Variants in THSD4 observed in about 807,000 individuals in gnomAD.
THSD4 encodes the protein thrombospondin type-1 domain-containing protein 4.
THSD4 carries 69 observed loss-of-function variants against 119.0 expected under a neutral mutation model. That is an observed-to-expected ratio of 0.58 (90% CI 0.48 to 0.71). THSD4 has a LOEUF of 0.71. Ranked by LOEUF, THSD4 falls within the 30% of genes least tolerant of loss-of-function variation. The probability of loss-of-function intolerance (pLI) is 0.00; values close to 1 mark genes in which losing one functional copy is unlikely to be tolerated. For synonymous variants in THSD4, 524 were observed against 540.4 expected, an observed-to-expected ratio of 0.97 and a Z score of 0.42; for missense variants, 1,393 against 1,391.1, an observed-to-expected ratio of 1.00 and a Z score of -0.02.
At chr15:71,331,595 G>A (rs932419367) in intron 6 of THSD4, among the ~76,000 whole-genome samples, 18 of 152,154 alleles carry the variant, frequency 1.2e-4, no homozygotes, top group Non-Finnish European at 1.8e-4. Flanking sequence ...AGCATGGTGG[G>A]CCGGGAGGAG....
At chr15:71,737,602 G>C (rs1367699280) in intron 10 of THSD4, 130 bp from the exon 11 acceptor site, 65 of 1,287,374 alleles carry the variant, frequency 5.0e-5, no homozygotes, top group Admixed American at 2.5e-4. Context: ...ATTTTAAACA[G>C]ATGTGCTTAT....
At chr15:71,325,135 T>C (rs2045322222) in intron 6 of THSD4, among the ~76,000 whole-genome samples, 1 of 152,206 alleles carries the variant, frequency 6.6e-6, no homozygotes, top group Admixed American at 6.5e-5. Flanking sequence ...CATAATTTGC[T>C]CTGAGTGTAT....
At chr15:71,546,976 C>T (rs1486888831) in intron 7 of THSD4, among the ~76,000 whole-genome samples, 4 of 152,214 alleles carry the variant, frequency 2.6e-5, no homozygotes, top group African/African-American at 9.6e-5. Context: ...CGTTCCCAGC[C>T]CGGAGCTCAT....
chr15:71,397,733 C>G (rs2046471649), intron 6 of THSD4, among the ~76,000 whole-genome samples: 1 of 152,212 alleles, frequency 6.6e-6, no homozygotes, highest in Non-Finnish European at 1.5e-5. Flanking sequence ...ATCCTGGTGG[C>G]TCTACCACTC....
At chr15:71,463,602 G>C (rs2047456534) in intron 7 of THSD4, among the ~76,000 whole-genome samples, 1 of 152,178 alleles carries the variant, frequency 6.6e-6, no homozygotes, top group Admixed American at 6.5e-5. Context: ...GCTGGGAACT[G>C]TTTTGTCCTC....
chr15:71,634,460 A>C (rs891451156), intron 7 of THSD4, among the ~76,000 whole-genome samples: 1 of 152,362 alleles, frequency 6.6e-6, no homozygotes, highest in South Asian at 2.1e-4. Flanking sequence ...TGCCATCTTT[A>C]GAATGAGTAT....
In THSD4 at chr15:71,656,383, T is replaced by C. The variant is rs2051193502; in HGVS notation, c.1153-4147T>C. Among the ~76,000 whole-genome samples, 4 of 152,132 alleles carry C rather than the reference T, an allele frequency of 2.6e-5. No homozygotes were observed. The South Asian group carries it at 8.3e-4, about 32-fold the overall frequency. On this transcript the variant is annotated intron_variant, in intron 7 of 17. Transcript: ENST00000261862. ...TCTTACACTATTTCAAAATAAAACATTATAACAATAAGAAAGTAATGCAAC... is the reference window on the plus strand; with the variant it reads ...TCTTACACTATTTCAAAATAAAACACTATAACAATAAGAAAGTAATGCAAC...
intron 6 of THSD4, among the ~76,000 whole-genome samples, chr15:71,400,990 G>T (rs539077652): frequency 6.6e-6 from 1 of 152,084 alleles, no homozygotes; most frequent in Non-Finnish European, 1.5e-5. Flanking sequence ...TCCTCTTTTC[G>T]TACCTGAGTT....
At position 71,342,376 on chromosome 15, in the gene THSD4, C is replaced by T. The variant is rs987183408; in HGVS notation, c.1016-69311C>T. 5.8e-5 allele frequency: 9 copies of T among 153,860 alleles called. No individual in the cohort carries two copies. The East Asian group carries it at 1.5e-3, about 26-fold the overall frequency. 9.5% of individuals were successfully genotyped at this position (153,860 alleles called of 1,614,324 possible). A position where few individuals can be genotyped will look rare whatever the true frequency, so the allele number is the denominator to read the frequency against. On this transcript the variant is annotated intron_variant, in intron 6 of 17. Coordinates refer to ENST00000261862, the MANE Select transcript of THSD4 (RefSeq NM_024817.3). The stretch of plus-strand genomic sequence containing the variant: ...TGGGCTTGCACTCTTGGTCCTCTGC[C>T]TGCAGGCACTTGGAGATCCTGAAGT...
At chr15:71,144,566 G>A (rs1363618689) in intron 2 of THSD4, among the ~76,000 whole-genome samples, 1 of 152,166 alleles carries the variant, frequency 6.6e-6, no homozygotes, top group Admixed American at 6.5e-5. Context: ...GAAAATCCCT[G>A]AAAGAACATT....
intron 8 of THSD4, among the ~76,000 whole-genome samples, chr15:71,674,460 ATC>A (rs2051597987): frequency 6.6e-6 from 1 of 152,120 alleles, no homozygotes; most frequent in African/African-American, 2.4e-5. Flanking sequence ...TAGTTCCCAT[ATC>A]TCCCTGGATC....
chr15:71,135,405 AAAAG>A (rs1214159726), intron 1 of THSD4, among the ~76,000 whole-genome samples: 8 of 151,198 alleles, frequency 5.3e-5, no homozygotes, highest in Admixed American at 4.6e-4. Flanking sequence ...AAAAAAAAAA[AAAAG>A]AAGAAGCTTC....
chr15:71,482,592 C>CT (rs886558496), intron 7 of THSD4, among the ~76,000 whole-genome samples: 75 of 133,868 alleles, frequency 5.6e-4, no homozygotes, highest in African/African-American at 1.4e-3. Context: ...GCCCAGCCAA[C>CT]TTTTTTTTTT....
intron 8 of THSD4, among the ~76,000 whole-genome samples, chr15:71,711,291 A>G (rs1373554835): frequency 4.6e-5 from 7 of 152,046 alleles, no homozygotes; most frequent in African/African-American, 1.7e-4. Flanking sequence ...AAATTCCCCT[A>G]TATTCCTAGC....
chr15:71,343,372 G>A (rs1292342172), intron 6 of THSD4, among the ~76,000 whole-genome samples: 4 of 152,136 alleles, frequency 2.6e-5, no homozygotes, highest in Non-Finnish European at 5.9e-5. Flanking sequence ...AGTTTCCAGG[G>A]TATGCCATGA....
chr15:71,468,236 C>T (rs947375954), intron 7 of THSD4, among the ~76,000 whole-genome samples: 2 of 152,192 alleles, frequency 1.3e-5, no homozygotes, highest in African/African-American at 4.8e-5. Context: ...TCCCCTTCGC[C>T]TTCCACCATG....
At chr15:71,587,737 A>G (rs865843332) in intron 7 of THSD4, among the ~76,000 whole-genome samples, 1,524 of 135,794 alleles carry the variant, frequency 0.011, 42 homozygotes, top group African/African-American at 0.038. Flanking sequence ...ACTAACCTGC[A>G]CAATGTGCAC....
chr15:71,334,963 G>A (rs2045472689), intron 6 of THSD4, among the ~76,000 whole-genome samples: 1 of 152,210 alleles, frequency 6.6e-6, no homozygotes, highest in African/African-American at 2.4e-5. Flanking sequence ...GAGCAGATGG[G>A]CCAGGGCTGT....
intron 4 of THSD4, among the ~76,000 whole-genome samples, chr15:71,219,114 T>C (rs1490111080): frequency 6.6e-6 from 1 of 152,230 alleles, no homozygotes; most frequent in Non-Finnish European, 1.5e-5. Flanking sequence ...TTGCTCTGGT[T>C]GAAGCCTCAG....
Sources: allele counts gnomAD v4.1 joint callset (sites outside exome capture counted in the v4.1 genomes callset), GRCh38; gene constraint gnomAD v4.1.1; transcripts MANE v1.5; gene names NCBI Gene and HGNC (gene_info 2026-07-23, HGNC 2026-07-21).